Variants in PCDHGA9 observed in about 807,000 individuals in gnomAD.
PCDHGA9 encodes protocadherin gamma subfamily A, 9, also known as protocadherin gamma-A9.
In PCDHGA9, 37 loss-of-function variants were observed where a neutral mutation model predicts 62.5. The ratio of observed to expected loss-of-function variants is 0.59; its 90% CI spans 0.46 to 0.78. The LOEUF (loss-of-function observed/expected upper bound fraction) is 0.78, where lower values mean the gene tolerates loss of function less well. Among genes scored for constraint, PCDHGA9 ranks in the 30% least tolerant of loss-of-function variants. The pLI, the probability that PCDHGA9 is intolerant of heterozygous loss-of-function variation, is 0.00. For missense variants in PCDHGA9, 1,138 were observed against 1,166.2 expected (o/e 0.98, Z 0.35); for synonymous variants, 459 against 484.6 (o/e 0.95, Z 0.69).
chr5:141,415,529 G>C, intron 1 of PCDHGA9: 1 of 1,614,184 alleles, frequency 6.2e-7, no homozygotes, highest in South Asian at 1.1e-5. Context: ...ACGCTCATCA[G>C]CCAGGAGAGC....
At chr5:141,427,870 C>T (rs773176633) in intron 1 of PCDHGA9, 86 of 1,558,630 alleles carry the variant, frequency 5.5e-5, no homozygotes, top group Non-Finnish European at 4.8e-5. Context: ...TTCGAGCTCA[C>T]GATGCAGGCC....
rs2094422320 is a variant in PCDHGA9, at chr5:141,403,564, G to A, written c.612G>A (p.Glu204=). ...LVLERALDRE[E]ATAHHLVLTA... ...TGGAGCGCGCCCTGGACAGGGAGGAGGCAACTGCCCACCACCTGGTCCTCA... is the reference window on the plus strand; with the variant it reads ...TGGAGCGCGCCCTGGACAGGGAGGAAGCAACTGCCCACCACCTGGTCCTCA... The change falls in exon 1 of 4, where the codon GAG becomes GAA. Residue 204 remains glutamate (E), a synonymous_variant. Transcript: ENST00000573521. The A allele has an allele frequency of 2.5e-6, 4 of 1,613,834 alleles. No individual in the cohort carries two copies. Among genetic ancestry groups the A allele is most frequent in the Non-Finnish European group, 2.5e-6 (3 of 1,179,906 alleles).
Position 141,485,631 on chromosome 5 carries a change from C to T in PCDHGA9, c.2425-9176C>T. 6.2e-7 allele frequency: 1 copy of T among 1,611,764 alleles called. No homozygotes were observed. The highest frequency in any genetic ancestry group is 8.5e-7 in the Non-Finnish European group (1 of 1,178,360). Reference sequence around the variant, plus strand: ...GCAGCTCCTCCAGGACAGCGTTTCCCGTTGGAAAAGGCTCAGGATGCAGAT... The same window carrying T: ...GCAGCTCCTCCAGGACAGCGTTTCCTGTTGGAAAAGGCTCAGGATGCAGAT... On this transcript the variant is annotated intron_variant, in intron 1 of 3. Coordinates refer to ENST00000573521, the MANE Select transcript of PCDHGA9 (RefSeq NM_018921.3). The surrounding 1 kb of genome is among the most constrained non-coding windows in gnomAD (Gnocchi z 5.7).
chr5:141,475,761 T>C (rs1430719406), intron 1 of PCDHGA9, among the ~76,000 whole-genome samples: 3 of 152,248 alleles, frequency 2.0e-5, no homozygotes, highest in Admixed American at 6.5e-5. Flanking sequence ...GCACCGATAC[T>C]GGCAAGGCGC....
At chr5:141,480,781 G>A (rs2099525581) in intron 1 of PCDHGA9, among the ~76,000 whole-genome samples, 1 of 152,174 alleles carries the variant, frequency 6.6e-6, no homozygotes, top group Admixed American at 6.5e-5. Flanking sequence ...CTAATGTGCA[G>A]ACAAATTTGA....
At chr5:141,419,640 T>C (rs2096410171) in intron 1 of PCDHGA9, 2 of 1,612,532 alleles carry the variant, frequency 1.2e-6, no homozygotes. Context: ...GTGGTGGCCG[T>C]GGACGCGGAC....
chr5:141,421,640 A>T (rs367946949), intron 1 of PCDHGA9: 1 of 1,613,716 alleles, frequency 6.2e-7, no homozygotes, highest in Non-Finnish European at 8.5e-7. Context: ...CAGGAGGACG[A>T]AGTGGAGATA....
intron 1 of PCDHGA9, among the ~76,000 whole-genome samples, chr5:141,484,202 T>C (rs2099593138): frequency 6.6e-6 from 1 of 152,214 alleles, no homozygotes; most frequent in Non-Finnish European, 1.5e-5. Context: ...ATTAAATCTA[T>C]GAACATTAGC....
chr5:141,403,542 A>T lies in PCDHGA9; in HGVS notation c.590A>T (p.Glu197Val), dbSNP rs561106024. 2 of 1,613,990 alleles carry T rather than the reference A, an allele frequency of 1.2e-6. No homozygotes were observed. The highest frequency in any genetic ancestry group is 4.5e-5 in the East Asian group (2 of 44,866). ...NGAINPELVL[E>V]RALDREEATA... is the part of the protein sequence containing the mutation. Reference sequence around the variant, plus strand: ...GCCATAAACCCAGAGCTGGTGCTGGAGCGCGCCCTGGACAGGGAGGAGGCA... The same window carrying T: ...GCCATAAACCCAGAGCTGGTGCTGGTGCGCGCCCTGGACAGGGAGGAGGCA... Residue 197 changes from glutamate (E) to valine (V), a missense_variant, in exon 1 of 4, where the codon GAG becomes GTG. Glu to Val is a moderately radical substitution (Grantham distance 121). Coordinates refer to ENST00000573521, the MANE Select transcript of PCDHGA9 (RefSeq NM_018921.3).
intron 1 of PCDHGA9, chr5:141,421,347 C>G: frequency 6.2e-7 from 1 of 1,613,948 alleles, no homozygotes; most frequent in Non-Finnish European, 8.5e-7. Flanking sequence ...CAGAAGAGAC[C>G]GAAAAGGGCT....
intron 2 of PCDHGA9, among the ~76,000 whole-genome samples, chr5:141,504,947 A>G (rs1595930930): frequency 6.6e-6 from 1 of 152,200 alleles, no homozygotes; most frequent in Non-Finnish European, 1.5e-5. Context: ...GGAATGCACT[A>G]TGTTCAATGC....
intron 1 of PCDHGA9, among the ~76,000 whole-genome samples, chr5:141,430,101 G>C (rs918427744): frequency 6.6e-6 from 1 of 152,036 alleles, no homozygotes; most frequent in African/African-American, 2.4e-5. Context: ...ATTTTTAAGC[G>C]TTACATGTCA....
rs756423770 is a variant in PCDHGA9 at position 141,430,950 on chromosome 5, T to G, written c.2424+25574T>G. 8 of 1,609,862 alleles carry G rather than the reference T, an allele frequency of 5.0e-6. No individual in the cohort carries two copies. The East Asian group carries it at 1.6e-4, about 31-fold the overall frequency. On this transcript the variant is annotated intron_variant, in intron 1 of 3. Coordinates refer to ENST00000573521, the MANE Select transcript of PCDHGA9 (RefSeq NM_018921.3). ...CCCCGGGAGCTCGCGGAGCGCGGAG[T>G]CCGCATCATCCCCAGAGGTAGGACG...
chr5:141,427,787 C>T, intron 1 of PCDHGA9: 1 of 1,478,068 alleles, frequency 6.8e-7, no homozygotes, highest in Non-Finnish European at 9.4e-7. Flanking sequence ...CACTGTCGTC[C>T]TACGTGTCCG....
chr5:141,415,203 G>C (rs2095843560), intron 1 of PCDHGA9: 24 of 1,614,032 alleles, frequency 1.5e-5, no homozygotes, highest in Non-Finnish European at 2.0e-5. Flanking sequence ...CCCAAGTCCT[G>C]GCGGACCTCG....
At chr5:141,423,936 G>A (rs2096792092) in intron 1 of PCDHGA9, 1 of 1,225,102 alleles carries the variant, frequency 8.2e-7, no homozygotes. Context: ...TTGGTTTGAA[G>A]TAAGTTGAAT....
chr5:141,449,066 A>G (rs1234801725), intron 1 of PCDHGA9, among the ~76,000 whole-genome samples: 3 of 152,188 alleles, frequency 2.0e-5, no homozygotes, highest in African/African-American at 4.8e-5. Context: ...GCGCTATTGA[A>G]TAGCCCTGTA....
intron 1 of PCDHGA9, chr5:141,410,596 T>C: frequency 1.2e-6 from 2 of 1,608,810 alleles, no homozygotes; most frequent in Non-Finnish European, 1.7e-6. Flanking sequence ...AGGATTTGAC[T>C]TCACATCCTG....
intron 1 of PCDHGA9, chr5:141,408,124 G>A: frequency 1.4e-6 from 2 of 1,478,862 alleles, no homozygotes; most frequent in Non-Finnish European, 1.8e-6. Context: ...CCTGTCCTGG[G>A]CCGAATGCTC....
Sources: gnomAD v4.1 joint callset for allele counts (sites outside exome capture counted in the v4.1 genomes callset) on GRCh38, gnomAD v4.1.1 for gene constraint, Gnocchi (gnomAD v3.1) non-coding constraint, MANE v1.5 for transcripts, NCBI Gene and HGNC (gene_info 2026-07-23, HGNC 2026-07-21) for gene names.